The following DRC9 variants were observed in gnomAD, a reference collection of about 807,000 sequenced individuals.
DRC9 encodes the protein dynein regulatory complex subunit 9.
chr3:197,937,856 C>T, the DRC9 span, among the ~76,000 whole-genome samples: 1 of 152,108 alleles, frequency 6.6e-6, no homozygotes, highest in Non-Finnish European at 1.5e-5. Flanking sequence ...AAGCCAGAAG[C>T]TTGAGGGCGG....
the DRC9 span, chr3:197,891,532 G>A: frequency 1.3e-6 from 2 of 1,584,832 alleles, no homozygotes; most frequent in Non-Finnish European, 8.7e-7. Flanking sequence ...ATGATGACCT[G>A]TTCATACTCT....
the DRC9 span, chr3:197,906,463 C>T: frequency 7.3e-5 from 11 of 149,834 alleles, no homozygotes; most frequent in South Asian, 4.2e-4. Flanking sequence ...TAATTGAGTA[C>T]GCATCCAGAT....
chr3:197,907,847 C>T, the DRC9 span, among the ~76,000 whole-genome samples: 1 of 150,788 alleles, frequency 6.6e-6, no homozygotes, highest in Non-Finnish European at 1.5e-5. Flanking sequence ...GAAGAGCAAC[C>T]CTTTCCAAGG....
chr3:197,938,779 T>C, the DRC9 span: 3 of 1,604,384 alleles, frequency 1.9e-6, no homozygotes, highest in Admixed American at 1.7e-5. Flanking sequence ...TTCTCTGCTT[T>C]TCTTTTAAAA....
the DRC9 span, chr3:197,951,553 A>T: frequency 2.1e-6 from 1 of 479,900 alleles, no homozygotes; most frequent in Non-Finnish European, 3.8e-6. Context: ...GGGTATTGCC[A>T]TGTTGGCCAG....
At chr3:197,896,472 CAAAA>C in the DRC9 span, among the ~76,000 whole-genome samples, 3 of 150,678 alleles carry the variant, frequency 2.0e-5, no homozygotes, top group Admixed American at 2.0e-4. Flanking sequence ...AAGAAGGAAA[CAAAA>C]TAAAGTATAT....
the DRC9 span, chr3:197,953,849 A>C: frequency 4.1e-6 from 3 of 728,580 alleles, no homozygotes; most frequent in Non-Finnish European, 4.9e-6. Flanking sequence ...TTACTCGATA[A>C]GTATCTGTTG....
chr3:197,932,705 TAATTCCA>T, the DRC9 span, among the ~76,000 whole-genome samples: 1 of 148,138 alleles, frequency 6.8e-6, no homozygotes, highest in African/African-American at 2.5e-5. Flanking sequence ...GCATGTGCCC[TAATTCCA>T]GCTACTTGGG....
chr3:197,950,463 G>A, the DRC9 span: 2 of 525,326 alleles, frequency 3.8e-6, no homozygotes, highest in East Asian at 5.3e-5. Flanking sequence ...GGAGTGAAAC[G>A]ATGTTTTTGT....
At chr3:197,904,837 C>T in the DRC9 span, among the ~76,000 whole-genome samples, 37 of 151,964 alleles carry the variant, frequency 2.4e-4, no homozygotes, top group Non-Finnish European at 2.6e-4. Flanking sequence ...GCAAGACTCC[C>T]TCTCAAAAAG....
At chr3:197,905,163 T>G in the DRC9 span, among the ~76,000 whole-genome samples, 4 of 151,992 alleles carry the variant, frequency 2.6e-5, no homozygotes, top group African/African-American at 7.3e-5. Flanking sequence ...GACCCAGCAT[T>G]TGGTAGCAAA....
chr3:197,942,910 A>C, the DRC9 span, among the ~76,000 whole-genome samples: 1 of 152,052 alleles, frequency 6.6e-6, no homozygotes, highest in South Asian at 2.1e-4. Context: ...AAAAAAAAAA[A>C]AGTATCTTCT....
At chr3:197,946,239 T>C in the DRC9 span, among the ~76,000 whole-genome samples, 1 of 151,654 alleles carries the variant, frequency 6.6e-6, no homozygotes, top group African/African-American at 2.4e-5. Context: ...ATCGAGACCA[T>C]CCTGGCTAAC....
the DRC9 span, among the ~76,000 whole-genome samples, chr3:197,891,853 A>T: frequency 6.6e-6 from 1 of 152,158 alleles, no homozygotes; most frequent in South Asian, 2.1e-4. Context: ...ACTTTGGGAG[A>T]ATGTACATAC....
chr3:197,960,039 A>G, the DRC9 span: 24 of 598,690 alleles, frequency 4.0e-5, no homozygotes, highest in Non-Finnish European at 6.2e-5. Flanking sequence ...TCCAAACAGC[A>G]TTTATTGGCC....
chr3:197,889,673 A>G, the DRC9 span: 2 of 1,614,062 alleles, frequency 1.2e-6, no homozygotes, highest in Non-Finnish European at 1.7e-6. Context: ...TGAAACCACC[A>G]ATTTCTCTCC....
the DRC9 span, among the ~76,000 whole-genome samples, chr3:197,917,564 A>G: frequency 6.6e-6 from 1 of 152,078 alleles, no homozygotes; most frequent in Non-Finnish European, 1.5e-5. Context: ...CACTAAGCCT[A>G]TTTTCTCATC....
At chr3:197,904,108 A>ATTT in the DRC9 span, among the ~76,000 whole-genome samples, 1 of 38,698 alleles carries the variant, frequency 2.6e-5, no homozygotes, top group African/African-American at 8.8e-5. Context: ...ATATATATAT[A>ATTT]TATTTTTTTT....
At chr3:197,934,181 G>GTTTTTTTTTTTT in the DRC9 span, among the ~76,000 whole-genome samples, 7 of 82,642 alleles carry the variant, frequency 8.5e-5, no homozygotes, top group African/African-American at 8.6e-4. Flanking sequence ...TTCATTCTGG[G>GTTTTTTTTTTTT]TCTTTTTTTT....
Sources: allele counts gnomAD v4.1 joint callset (sites outside exome capture counted in the v4.1 genomes callset), GRCh38; gene constraint gnomAD v4.1.1; transcripts MANE v1.5; gene names NCBI Gene and HGNC (gene_info 2026-07-23, HGNC 2026-07-21).